Variants in MYO10 observed in about 807,000 individuals in gnomAD.
MYO10 encodes the protein myosin X.
A neutral mutation model predicts 257.3 loss-of-function variants in MYO10; 133 were observed. The observed-to-expected ratio is 0.52, with a 90% CI of 0.45 to 0.60. MYO10 has a LOEUF of 0.60. Among genes scored for constraint, MYO10 ranks in the 20% least tolerant of loss-of-function variants. MYO10 has a pLI of 0.00. For synonymous variants in MYO10, 1,104 were observed against 1,028.6 expected (o/e 1.07, Z -1.40); for missense variants, 2,399 against 2,635.7 (o/e 0.91, Z 1.97).
chr5:16,738,959 C>T (rs1739913768), intron 19 of MYO10, among the ~76,000 whole-genome samples: 1 of 149,234 alleles, frequency 6.7e-6, no homozygotes, highest in South Asian at 2.1e-4. Context: ...ATACTCCCAG[C>T]AGCAGAATAG....
At chr5:16,855,363 GCTAC>G (rs1383173585) in intron 2 of MYO10, among the ~76,000 whole-genome samples, 6 of 152,118 alleles carry the variant, frequency 3.9e-5, no homozygotes, top group African/African-American at 1.4e-4. Flanking sequence ...ACTCGCTGGT[GCTAC>G]CTCCAAACAT....
chr5:16,671,939 G>A (rs1736483637), intron 37 of MYO10, among the ~76,000 whole-genome samples: 1 of 152,202 alleles, frequency 6.6e-6, no homozygotes, highest in Admixed American at 6.5e-5. Flanking sequence ...TGAGGGCTGT[G>A]TTTATACTAA....
At chr5:16,672,187 C>T (rs555676589) in intron 37 of MYO10, among the ~76,000 whole-genome samples, 7 of 151,386 alleles carry the variant, frequency 4.6e-5, no homozygotes, top group South Asian at 4.2e-4. Context: ...CCCAGCTACT[C>T]GGGAGTCTGA....
chr5:16,880,952 G>A (rs1276963198), intron 1 of MYO10, among the ~76,000 whole-genome samples: 2 of 152,164 alleles, frequency 1.3e-5, no homozygotes, highest in Admixed American at 6.5e-5. Context: ...GTCAGGGACT[G>A]CAATATTTGA....
Position 16,760,726 on chromosome 5 carries a change from A to G in MYO10, c.1739+738T>C, listed in dbSNP as rs77906428. Among the ~76,000 whole-genome samples the G allele has an allele frequency of 2.7e-3, 406 of 152,202 alleles. 3 individuals carry two copies. The highest frequency in any genetic ancestry group is 9.2e-3 in the African/African-American group (381 of 41,558). Reference sequence around the variant, plus strand: ...CCACGCAGCTCTAAGCTCCCTGTGAAGACAGCAGACCACACTGCTTAAGAT... The same window carrying G: ...CCACGCAGCTCTAAGCTCCCTGTGAGGACAGCAGACCACACTGCTTAAGAT... On this transcript the variant is annotated intron_variant, in intron 17 of 40. Transcript: ENST00000513610.
chr5:16,765,964 TTA>T, intron 11 of MYO10, 114 bp downstream of exon 11: 1 of 733,008 alleles, frequency 1.4e-6, no homozygotes. Context: ...ATTTGAACAG[TTA>T]TTAATATATT....
rs373213907 is a variant in MYO10 at position 16,769,201 on chromosome 5, C to T, written c.933G>A (p.Thr311=). 475 of 1,597,924 alleles carry T rather than the reference C, an allele frequency of 3.0e-4. No homozygotes were observed. Among genetic ancestry groups the T allele is most frequent in the Non-Finnish European group, 3.8e-4 (444 of 1,174,634 alleles). Residue 311 remains threonine (T), a splice_region_variant and synonymous_variant, in exon 10 of 41, where the codon ACG becomes ACA. Transcript: ENST00000513610. The part of the protein sequence containing the change: ...SDQESFREVI[T]AMDVMQFSKE... ...TGCTGAACTGCATCACGTCCATTGC[C>T]GTCTAGAAGAAAATAAATGTATTTA... is the stretch of plus-strand genomic sequence containing the variant.
rs1561000900 is a variant in MYO10, at chr5:16,818,409, T to TATATATATATAC, written c.121-243_121-242insGTATATATATAT. Among the ~76,000 whole-genome samples, 22 of 86,284 alleles carry TATATATATATAC rather than the reference T, an allele frequency of 2.5e-4. 2 individuals are homozygous for TATATATATATAC. The highest frequency in any genetic ancestry group is 0.012 in the Middle Eastern group (2 of 168). The allele number at this position is 86,284 out of a possible 152,430, so 56.6% of individuals were successfully genotyped here. ...GTGTGTGTGTGTGTGTGTGTGTGTG[T>TATATATATATAC]GTATATATATATATATACACATATC... On this transcript the variant is annotated intron_variant, in intron 2 of 40. Coordinates refer to ENST00000513610, the MANE Select transcript of MYO10 (RefSeq NM_012334.3).
chr5:16,689,791 G>A (rs1469557819), intron 28 of MYO10, 33 bp downstream of exon 28: 10 of 1,522,264 alleles, frequency 6.6e-6, no homozygotes, highest in South Asian at 1.1e-5. Flanking sequence ...GGAGCAGGAT[G>A]TGGGTAACAC....
At chr5:16,853,988 C>T in intron 2 of MYO10, 1 of 152,016 alleles carries the variant, frequency 6.6e-6, no homozygotes. Context: ...GAAATAGTGC[C>T]TAAGAGTCTA....
At chr5:16,715,624 A>C (rs1211808378) in intron 19 of MYO10, among the ~76,000 whole-genome samples, 1 of 151,780 alleles carries the variant, frequency 6.6e-6, no homozygotes, top group Non-Finnish European at 1.5e-5. Context: ...TGAGGTGACG[A>C]AAATGTTCTA....
At chr5:16,896,114 A>C (rs940063694) in intron 1 of MYO10, among the ~76,000 whole-genome samples, 1 of 152,206 alleles carries the variant, frequency 6.6e-6, no homozygotes, top group African/African-American at 2.4e-5. Context: ...CAAGCAGAGT[A>C]ATCTCAGGAC....
At chr5:16,935,558 C>T (rs1746415072) in intron 1 of MYO10, among the ~76,000 whole-genome samples, 1 of 152,080 alleles carries the variant, frequency 6.6e-6, no homozygotes, top group Admixed American at 6.5e-5. Context: ...AACGGAAACG[C>T]ACCTTCGCTA....
intron 1 of MYO10, among the ~76,000 whole-genome samples, chr5:16,895,620 A>G (rs952776808): frequency 6.6e-6 from 1 of 152,018 alleles, no homozygotes; most frequent in Non-Finnish European, 1.5e-5. Flanking sequence ...CTTCCCCAGC[A>G]GGACACTGAG....
At chr5:16,862,321 T>G (rs899190670) in intron 2 of MYO10, among the ~76,000 whole-genome samples, 3 of 152,200 alleles carry the variant, frequency 2.0e-5, no homozygotes, top group South Asian at 2.1e-4. Context: ...CAATTCACCA[T>G]GTATATTACT....
chr5:16,798,112 C>A (rs1293805976), intron 3 of MYO10, among the ~76,000 whole-genome samples: 1 of 152,196 alleles, frequency 6.6e-6, no homozygotes, highest in East Asian at 1.9e-4. Context: ...CAGGCCATGA[C>A]ACAGCAAGAG....
At chr5:16,778,544 C>G (rs1420241695) in intron 9 of MYO10, among the ~76,000 whole-genome samples, 3 of 152,064 alleles carry the variant, frequency 2.0e-5, no homozygotes, top group Admixed American at 6.5e-5. Flanking sequence ...TGGAGCCTGA[C>G]GTACGCACTG....
In MYO10 at chr5:16,769,163, C is replaced by T. The variant is rs761535252; in HGVS notation, c.971G>A (p.Arg324Gln). 1.2e-6 allele frequency: 2 copies of T among 1,612,748 alleles called. No homozygotes were observed. Among genetic ancestry groups the T allele is most frequent in the Admixed American group, 3.3e-5 (2 of 59,878 alleles). Residue 324 changes from arginine (R) to glutamine (Q), a missense_variant, in exon 10 of 41, where the codon CGG becomes CAG. Around this residue, in one of 3 missense-constraint regions of MYO10, gnomAD observed 337 missense variants for 446.8 expected, o/e 0.75. Coordinates refer to ENST00000513610, the MANE Select transcript of MYO10 (RefSeq NM_012334.3). The stretch of plus-strand genomic sequence containing the variant: ...ACCAGCAAGCAGCCTCGACACTTCC[C>T]GAACTTCCTCCTTGCTGAACTGCAT... ...DVMQFSKEEV[R>Q]EVSRLLAGIL...
At chr5:16,815,067 G>A in intron 3 of MYO10, 1 of 172,950 alleles carries the variant, frequency 5.8e-6, no homozygotes, top group Non-Finnish European at 1.2e-5. Flanking sequence ...GCTGGCACGT[G>A]CCTGTAATCC....
Sources: gnomAD v4.1 joint callset for allele counts (sites outside exome capture counted in the v4.1 genomes callset) on GRCh38, gnomAD v4.1.1 for gene constraint, gnomAD v4.1.1 regional missense constraint, MANE v1.5 for transcripts, NCBI Gene and HGNC (gene_info 2026-07-23, HGNC 2026-07-21) for gene names.